The following CALML4 variants were observed in gnomAD, a reference collection of about 807,000 sequenced individuals.
The protein encoded by CALML4 is calmodulin-like protein 4.
In CALML4, 16 loss-of-function variants were observed where a neutral mutation model predicts 17.9. The observed-to-expected ratio is 0.89, with a 90% CI of 0.61 to 1.36. The LOEUF is 1.36. CALML4 is among the 40% of genes most tolerant of loss of function. The pLI, the probability that CALML4 is intolerant of heterozygous loss-of-function variation, is 0.00. For missense variants in CALML4, 203 were observed against 194.8 expected (o/e 1.04, Z -0.25); for synonymous variants, 86 against 71.5 (o/e 1.20, Z -1.02).
chr15:68,196,756 C>T (rs2093146193), intron 4 of CALML4, among the ~76,000 whole-genome samples: 1 of 152,156 alleles, frequency 6.6e-6, no homozygotes, highest in Non-Finnish European at 1.5e-5. Context: ...AGGCCTCGTC[C>T]TGCTCTGAGG....
chr15:68,195,090 T>A (rs1390462716), intron 4 of CALML4, among the ~76,000 whole-genome samples: 1 of 152,056 alleles, frequency 6.6e-6, no homozygotes, highest in African/African-American at 2.4e-5. Flanking sequence ...TTCTTCTGGT[T>A]CTGGATTCCT....
rs1349020600 is a variant in CALML4, at chr15:68,197,245, G to A, written c.364+195C>T. On this transcript the variant is annotated intron_variant, in intron 4 of 4. Transcript: ENST00000467889. This position sits in a 1 kb window ranked among gnomAD's most constrained non-coding sequence, Gnocchi z 4.1. ...CCTTCACCCTGGCAGACCTCCCTGC[G>A]CCCTTCCAGCCCCTCTAGTTCTTCC... Among the ~76,000 whole-genome samples, 1 of 152,026 alleles carries A rather than the reference G, an allele frequency of 6.6e-6. No individual in the cohort carries two copies. Among genetic ancestry groups the A allele is most frequent in the Non-Finnish European group, 1.5e-5 (1 of 67,998 alleles).
At position 68,192,444 on chromosome 15, in the gene CALML4, G is replaced by C. The variant is rs1012170107; in HGVS notation, c.*1571C>G. 1 of 152,160 alleles carries C rather than the reference G, an allele frequency of 6.6e-6. No homozygotes were observed. The allele number at this position is 152,160 out of a possible 1,614,324, so 9.4% of individuals were successfully genotyped here. On this transcript the variant is annotated 3_prime_UTR_variant, in exon 5 of 5. Transcript: ENST00000467889. ...CCCACAAAACATCTGCTCCTACACTGTGTGGACCTGGGCTTCCCAGCCAGA... is the reference window on the plus strand; with the variant it reads ...CCCACAAAACATCTGCTCCTACACTCTGTGGACCTGGGCTTCCCAGCCAGA...
In CALML4 at chr15:68,191,027, C is replaced by G. The variant is rs2093117250; in HGVS notation, c.*2988G>C. The stretch of plus-strand genomic sequence containing the variant: ...TTTAAACACATAAAACTTTCAAGAT[C>G]TTCAGGACTTTTTAAAGCACATTTG... On this transcript the variant is annotated 3_prime_UTR_variant, in exon 5 of 5. Transcript: ENST00000467889. 1.3e-5 allele frequency: 2 copies of G among 152,348 alleles called. No individual in the cohort carries two copies. The highest frequency in any genetic ancestry group is 4.8e-5 in the African/African-American group (2 of 41,428). 9.4% of individuals were successfully genotyped at this position (152,348 alleles called of 1,614,324 possible).
upstream of CALML4, chr15:68,205,421 A>G: frequency 1.9e-6 from 3 of 1,611,236 alleles, no homozygotes; most frequent in South Asian, 1.1e-5. This position sits in a 1 kb window ranked among gnomAD's most constrained non-coding sequence, Gnocchi z 4.8. Context: ...CAGCTTCCTG[A>G]GCACAGCTCA....
Position 68,194,094 on chromosome 15 carries a change from T to A in CALML4, c.383A>T (p.Glu128Val). 1.2e-6 allele frequency: 2 copies of A among 1,613,010 alleles called. No individual in the cohort carries two copies. The highest frequency in any genetic ancestry group is 4.5e-5 in the East Asian group (2 of 44,870). Residue 128 changes from glutamate (E) to valine (V), a missense_variant, in exon 5 of 5, where the codon GAA (glutamate) becomes GTA (valine). Coordinates refer to ENST00000467889, the MANE Select transcript of CALML4 (RefSeq NM_033429.3). ...TTTGCCATTGGGTTCGATATCTGCT[T>A]CCCTGAAGAGATCATCCACTGCAAT... ...THKEVDDLFR[E>V]ADIEPNGKVK... is the part of the protein sequence containing the mutation.
At chr15:68,201,756 C>T (rs1470676809) in intron 2 of CALML4, among the ~76,000 whole-genome samples, 1 of 152,240 alleles carries the variant, frequency 6.6e-6, no homozygotes, top group African/African-American at 2.4e-5. Flanking sequence ...CCTCAGACGC[C>T]TTTAAAGACC....
At chr15:68,199,960 T>C (rs543805973) in intron 2 of CALML4, 1 of 249,268 alleles carries the variant, frequency 4.0e-6, no homozygotes, top group African/African-American at 2.2e-5. Context: ...TTGTCTGAAA[T>C]TCTAATTTAA....
At position 68,197,418 on chromosome 15, in the gene CALML4, G is replaced by C; in HGVS notation, c.364+22C>G. The C allele has an allele frequency of 1.2e-6, 2 of 1,607,870 alleles. No homozygotes were observed. The highest frequency in any genetic ancestry group is 1.7e-6 in the Non-Finnish European group (2 of 1,176,900). On this transcript the variant is annotated intron_variant, in intron 4 of 4. Transcript: ENST00000467889. The surrounding 1 kb of genome is among the most constrained non-coding windows in gnomAD (Gnocchi z 4.1). ...CTCCCTAACCCCCTCCAACTGTTGG[G>C]AGACAGGACCCAGGCTGTTACCTTC...
chr15:68,194,555 T>G (rs2093134875), intron 4 of CALML4, among the ~76,000 whole-genome samples: 6 of 152,068 alleles, frequency 3.9e-5, no homozygotes, highest in Admixed American at 3.9e-4. Flanking sequence ...GGCTAATTTT[T>G]GTATTTTTAG....
In CALML4 at chr15:68,191,236, A is replaced by T. The variant is rs2141116638; in HGVS notation, c.*2779T>A. On this transcript the variant is annotated 3_prime_UTR_variant, in exon 5 of 5. Coordinates refer to ENST00000467889, the MANE Select transcript of CALML4 (RefSeq NM_033429.3). ...GATAAAGTTACCATAAATTCCATGA[A>T]CTTAAATCTGTGATTCATTGCCTTA... is the stretch of plus-strand genomic sequence containing the variant. 1 of 152,784 alleles carries T rather than the reference A, an allele frequency of 6.5e-6. No homozygotes were observed. The allele number at this position is 152,784 out of a possible 1,614,324, so 9.5% of individuals were successfully genotyped here. A position where few individuals can be genotyped will look rare whatever the true frequency, so the allele number is the denominator to read the frequency against.
Position 68,197,480 on chromosome 15 carries a change from T to G in CALML4, c.324A>C (p.Ser108=), listed in dbSNP as rs780490694. Residue 108 remains serine, a synonymous_variant, in exon 4 of 5, where the codon TCA becomes TCC. Coordinates refer to ENST00000467889, the MANE Select transcript of CALML4 (RefSeq NM_033429.3). The surrounding 1 kb of genome is among the most constrained non-coding windows in gnomAD (Gnocchi z 4.1). ...KGYVMASDLR[S]KLTSLGEKLT... ...GCTTCTCCCCCAGACTCGTGAGTTT[T>G]GACCGCAGGTCGGACGCCATGACGT... The G allele has an allele frequency of 3.1e-6, 5 of 1,614,196 alleles. No individual in the cohort carries two copies. Among genetic ancestry groups the G allele is most frequent in the Non-Finnish European group, 4.2e-6 (5 of 1,180,020 alleles).
upstream of CALML4, chr15:68,205,777 C>T (rs943339052): frequency 9.6e-6 from 2 of 207,376 alleles, no homozygotes; most frequent in African/African-American, 2.3e-5. This position sits in a 1 kb window ranked among gnomAD's most constrained non-coding sequence, Gnocchi z 4.8. Context: ...ATACAAGCTT[C>T]GGTGCTCTCA....
intron 2 of CALML4, 80 bp from the exon 3 acceptor site, chr15:68,199,761 T>G: frequency 6.8e-7 from 1 of 1,460,938 alleles, no homozygotes; most frequent in Non-Finnish European, 9.3e-7. Context: ...TAGTCTCTTC[T>G]CCCTCTTTTC....
At chr15:68,194,524 C>T (rs144882330) in intron 4 of CALML4, among the ~76,000 whole-genome samples, 4,753 of 151,992 alleles carry the variant, frequency 0.031, 97 homozygotes, top group Middle Eastern at 0.079. Context: ...GCTGAGCTTA[C>T]AGGCAAGTAC....
chr15:68,194,230 C>T, intron 4 of CALML4, 118 bp from the exon 5 acceptor site: 2 of 687,126 alleles, frequency 2.9e-6, no homozygotes. Context: ...TTGACTATTC[C>T]TGTAGACCAG....
intron 2 of CALML4, among the ~76,000 whole-genome samples, chr15:68,203,462 T>C (rs2093172137): frequency 6.6e-6 from 1 of 152,232 alleles, no homozygotes; most frequent in South Asian, 2.1e-4. Context: ...TCTCCACTGA[T>C]CACAATAGGG....
chr15:68,197,790 G>C lies in CALML4; in HGVS notation c.176-162C>G. ...TGAAGAGGATGCATCCCCTCCCACC[G>C]AGTTCCCACGACAGGCCCCTCACTG... On this transcript the variant is annotated intron_variant, in intron 3 of 4. Transcript: ENST00000467889. This position sits in a 1 kb window ranked among gnomAD's most constrained non-coding sequence, Gnocchi z 4.1. 1 of 611,482 alleles carries C rather than the reference G, an allele frequency of 1.6e-6. No homozygotes were observed. The highest frequency in any genetic ancestry group is 2.9e-6 in the Non-Finnish European group (1 of 349,630). 37.9% of individuals were successfully genotyped at this position (611,482 alleles called of 1,614,324 possible). A position where few individuals can be genotyped will look rare whatever the true frequency, so the allele number is the denominator to read the frequency against.
In CALML4 at chr15:68,197,427, C is replaced by T; in HGVS notation, c.364+13G>A. On this transcript the variant is annotated intron_variant, in intron 4 of 4. Transcript: ENST00000467889. The surrounding 1 kb of genome is among the most constrained non-coding windows in gnomAD (Gnocchi z 4.1). Reference sequence around the variant, plus strand: ...CCCCTCCAACTGTTGGGAGACAGGACCCAGGCTGTTACCTTCCTTGTGGGT... The same window carrying T: ...CCCCTCCAACTGTTGGGAGACAGGATCCAGGCTGTTACCTTCCTTGTGGGT... 1 of 1,611,290 alleles carries T rather than the reference C, an allele frequency of 6.2e-7. No homozygotes were observed. The highest frequency in any genetic ancestry group is 8.5e-7 in the Non-Finnish European group (1 of 1,178,614).
Sources: gnomAD v4.1 joint callset for allele counts (sites outside exome capture counted in the v4.1 genomes callset) on GRCh38, gnomAD v4.1.1 for gene constraint, Gnocchi (gnomAD v3.1) non-coding constraint, MANE v1.5 for transcripts, NCBI Gene and HGNC (gene_info 2026-07-23, HGNC 2026-07-21) for gene names.